Variants in TSPAN14 observed in about 807,000 individuals in gnomAD.
TSPAN14 encodes the protein tetraspanin 14.
TSPAN14 carries 16 observed loss-of-function variants against 36.6 expected under a neutral mutation model. That is an observed-to-expected ratio of 0.44 (90% confidence interval 0.30 to 0.66). TSPAN14 has a LOEUF of 0.66. Among genes scored for constraint, TSPAN14 ranks in the 30% least tolerant of loss-of-function variants. The pLI is 0.12. For missense variants in TSPAN14, 231 were observed against 355.1 expected (o/e 0.65, Z 2.81); for synonymous variants, 139 against 143.8 (o/e 0.97, Z 0.24).
chr10:80,454,532 C>G (rs1030363097), intron 1 of TSPAN14, among the ~76,000 whole-genome samples, 161 bp downstream of exon 1: 5 of 151,872 alleles, frequency 3.3e-5, no homozygotes, highest in African/African-American at 1.2e-4. Flanking sequence ...GCCCCGCGGG[C>G]GGCGCTGGCT....
intron 1 of TSPAN14, among the ~76,000 whole-genome samples, chr10:80,461,010 G>A (rs550397657): frequency 8.1e-4 from 124 of 152,202 alleles, no homozygotes; most frequent in African/African-American, 2.5e-3. Flanking sequence ...CCTTCTAGCC[G>A]GAGCTCCTGG....
chr10:80,509,715 C>T lies in TSPAN14; in HGVS notation c.450+244C>T, dbSNP rs1438696719. On this transcript the variant is annotated intron_variant, in intron 5 of 8. Transcript: ENST00000429989. The surrounding 1 kb of genome is among the most constrained non-coding windows in gnomAD (Gnocchi z 4.7). ...AGGCAAGTCCAGCTGTACCCGAGGC[C>T]ACCCACCCCCCACGTGCCCGGCCCT... 4.0e-6 allele frequency: 2 copies of T among 496,822 alleles called. No individual in the cohort carries two copies. Among genetic ancestry groups the T allele is most frequent in the Non-Finnish European group, 7.2e-6 (2 of 277,500 alleles). The allele number at this position is 496,822 out of a possible 1,614,324, so 30.8% of individuals were successfully genotyped here.
chr10:80,510,883 A>G (rs1414925112), intron 5 of TSPAN14, among the ~76,000 whole-genome samples: 1 of 152,240 alleles, frequency 6.6e-6, no homozygotes, highest in East Asian at 1.9e-4. Flanking sequence ...CAAAAAAAAG[A>G]TAAAATAAAT....
intron 2 of TSPAN14, among the ~76,000 whole-genome samples, chr10:80,501,159 C>T (rs1406180777): frequency 6.6e-6 from 1 of 151,272 alleles, no homozygotes; most frequent in Non-Finnish European, 1.5e-5. Context: ...TGTTACCACC[C>T]AGGCTGGAGT....
chr10:80,495,584 A>G (rs1242377898), intron 2 of TSPAN14, among the ~76,000 whole-genome samples: 1 of 152,106 alleles, frequency 6.6e-6, no homozygotes, highest in Admixed American at 6.5e-5. Context: ...GTGCTCTGAG[A>G]TTATTGCCTG....
intron 1 of TSPAN14, among the ~76,000 whole-genome samples, chr10:80,479,776 G>A (rs918277504): frequency 6.6e-6 from 1 of 150,886 alleles, no homozygotes; most frequent in South Asian, 2.1e-4. Flanking sequence ...GGCGATGCGG[G>A]CTCTTTTTTG....
At chr10:80,494,999 C>T (rs940029534) in intron 2 of TSPAN14, among the ~76,000 whole-genome samples, 2 of 152,224 alleles carry the variant, frequency 1.3e-5, no homozygotes, top group African/African-American at 4.8e-5. Flanking sequence ...TACGCATTTT[C>T]ACATCAGCAT....
chr10:80,493,931 T>C (rs572935445), intron 2 of TSPAN14, among the ~76,000 whole-genome samples: 4 of 152,314 alleles, frequency 2.6e-5, no homozygotes, highest in Admixed American at 6.5e-5. Context: ...GTGAATCCTC[T>C]AGAGGGATGA....
intron 6 of TSPAN14, among the ~76,000 whole-genome samples, chr10:80,513,796 G>A (rs1840783435): frequency 6.6e-6 from 1 of 152,238 alleles, no homozygotes; most frequent in Admixed American, 6.5e-5. Flanking sequence ...AACAAAAGCG[G>A]AATTGAGTCT....
At chr10:80,504,705 T>G in intron 2 of TSPAN14, 23 bp from the exon 3 acceptor site, 2 of 1,614,038 alleles carry the variant, frequency 1.2e-6, no homozygotes, top group Admixed American at 1.7e-5. Flanking sequence ...AACTTCCTTC[T>G]CTCTTTCCTC....
At chr10:80,517,730 C>A (rs1200034948) in intron 8 of TSPAN14, among the ~76,000 whole-genome samples, 175 bp from the exon 9 acceptor site, 1 of 151,962 alleles carries the variant, frequency 6.6e-6, no homozygotes, top group Non-Finnish European at 1.5e-5. Flanking sequence ...CCCTTTTTTG[C>A]GGGAGGGGTG....
At chr10:80,500,054 C>T (rs570454678) in intron 2 of TSPAN14, among the ~76,000 whole-genome samples, 4 of 152,124 alleles carry the variant, frequency 2.6e-5, no homozygotes, top group South Asian at 2.1e-4. Flanking sequence ...GGAAGGGTTC[C>T]GTGGGGTGAA....
intron 2 of TSPAN14, among the ~76,000 whole-genome samples, chr10:80,502,750 G>A (rs1468849691): frequency 6.6e-6 from 1 of 152,124 alleles, no homozygotes; most frequent in East Asian, 1.9e-4. Context: ...GTAGACATTA[G>A]GGTATTTGAC....
chr10:80,494,536 G>T (rs1369700209), intron 2 of TSPAN14, among the ~76,000 whole-genome samples: 6 of 152,172 alleles, frequency 3.9e-5, no homozygotes, highest in Non-Finnish European at 5.9e-5. Context: ...CATCTTTGCA[G>T]GTGGGGTCTT....
chr10:80,456,498 G>T (rs1218096551), intron 1 of TSPAN14, among the ~76,000 whole-genome samples: 1 of 152,200 alleles, frequency 6.6e-6, no homozygotes, highest in Non-Finnish European at 1.5e-5. Context: ...TCCCATGGAG[G>T]CCGGGGAGCA....
At chr10:80,477,441 T>G (rs1288674429) in intron 1 of TSPAN14, among the ~76,000 whole-genome samples, 1 of 152,082 alleles carries the variant, frequency 6.6e-6, no homozygotes, top group Non-Finnish European at 1.5e-5. Context: ...AACCCCCACA[T>G]AAGATAAAGG....
At chr10:80,492,271 G>C (rs946993565) in intron 2 of TSPAN14, among the ~76,000 whole-genome samples, 1 of 152,100 alleles carries the variant, frequency 6.6e-6, no homozygotes, top group East Asian at 1.9e-4. Flanking sequence ...TATTTGATTT[G>C]TATCCCCCTG....
chr10:80,512,797 G>A (rs1373309777), intron 6 of TSPAN14, among the ~76,000 whole-genome samples: 1 of 152,116 alleles, frequency 6.6e-6, no homozygotes, highest in Non-Finnish European at 1.5e-5. Context: ...GGGTTCAAGC[G>A]ATTCTCCTGC....
At chr10:80,517,757 CGCTCTGCGGTGCT>C in intron 8 of TSPAN14, 135 bp from the exon 9 acceptor site, 1 of 743,000 alleles carries the variant, frequency 1.3e-6, no homozygotes, top group South Asian at 1.7e-5. Context: ...CTGTGCCACT[CGCTCTGCGGTGCT>C]GTCTCTACGT....
Sources: allele counts gnomAD v4.1 joint callset (sites outside exome capture counted in the v4.1 genomes callset), GRCh38; gene constraint gnomAD v4.1.1; non-coding constraint Gnocchi (gnomAD v3.1); transcripts MANE v1.5; gene names NCBI Gene and HGNC (gene_info 2026-07-23, HGNC 2026-07-21).